Variants in BTBD9 observed in about 807,000 individuals in gnomAD.
BTBD9 encodes BTB domain containing 9.
A neutral mutation model predicts 64.3 loss-of-function variants in BTBD9; 49 were observed. That is an observed-to-expected ratio of 0.76 (90% confidence interval 0.61 to 0.97). The LOEUF (loss-of-function observed/expected upper bound fraction) is 0.97. BTBD9 is among the 50% of genes least tolerant of loss of function. The pLI is 0.00. For missense variants in BTBD9, 598 were observed against 762.1 expected, an observed-to-expected ratio of 0.78 and a Z score of 2.53; for synonymous variants, 260 against 274.7, an observed-to-expected ratio of 0.95 and a Z score of 0.53.
chr6:38,563,995 G>T (rs948181460), intron 6 of BTBD9, among the ~76,000 whole-genome samples: 6 of 151,510 alleles, frequency 4.0e-5, no homozygotes, highest in African/African-American at 1.5e-4. Flanking sequence ...TGTTAGCCAG[G>T]ATGGTATCAA....
intron 9 of BTBD9, among the ~76,000 whole-genome samples, chr6:38,200,449 A>C (rs1762420093): frequency 6.6e-6 from 1 of 152,254 alleles, no homozygotes; most frequent in South Asian, 2.1e-4. Context: ...TAGAGACTAC[A>C]TAAAAATACA....
At chr6:38,212,243 C>T (rs989930858) in intron 9 of BTBD9, among the ~76,000 whole-genome samples, 10 of 152,158 alleles carry the variant, frequency 6.6e-5, no homozygotes, top group East Asian at 5.8e-4. Context: ...CATTCCTCAG[C>T]GATGGCTGCT....
chr6:38,317,856 T>A (rs1460102354), intron 7 of BTBD9, among the ~76,000 whole-genome samples: 1 of 152,246 alleles, frequency 6.6e-6, no homozygotes, highest in East Asian at 1.9e-4. Flanking sequence ...TTTTTAATTA[T>A]TTTCTTTGTT....
intron 9 of BTBD9, among the ~76,000 whole-genome samples, chr6:38,247,939 T>A (rs559484102): frequency 2.8e-4 from 42 of 150,346 alleles, no homozygotes; most frequent in Middle Eastern, 3.4e-3. Context: ...AAAAAAAAAA[T>A]TTTTTTTTTC....
chr6:38,394,286 A>G lies in BTBD9; in HGVS notation c.1155-49193T>C, dbSNP rs912618092. ...TCTAATGGCATAGAATAAGTAGGCA[A>G]TTGGTGCTGATGGTGGTGATAGGGT... On this transcript the variant is annotated intron_variant, in intron 6 of 10. Transcript: ENST00000481247. 3.3e-5 allele frequency among the ~76,000 whole-genome samples: 5 copies of G among 152,144 alleles called. No individual in the cohort carries two copies. The East Asian group carries it at 7.7e-4, about 23-fold the overall frequency.
At chr6:38,190,459 A>ACTC (rs1429790502) in intron 10 of BTBD9, among the ~76,000 whole-genome samples, 1 of 123,748 alleles carries the variant, frequency 8.1e-6, no homozygotes, top group Non-Finnish European at 1.6e-5. Context: ...ACAGAGTGAA[A>ACTC]CTCTGTCTAA....
intron 9 of BTBD9, among the ~76,000 whole-genome samples, chr6:38,229,854 T>C (rs73410497): frequency 0.019 from 2,833 of 152,280 alleles, 87 homozygotes; most frequent in African/African-American, 0.063. Flanking sequence ...TGTCTGTCAT[T>C]TATCACATTA....
intron 9 of BTBD9, among the ~76,000 whole-genome samples, chr6:38,254,878 G>A (rs569821232): frequency 8.5e-5 from 13 of 152,286 alleles, no homozygotes; most frequent in Non-Finnish European, 1.5e-4. Flanking sequence ...TAAACGCAGA[G>A]TTATCCGATG....
chr6:38,205,225 A>G (rs2127495195), intron 9 of BTBD9, among the ~76,000 whole-genome samples: 1 of 152,338 alleles, frequency 6.6e-6, no homozygotes, highest in African/African-American at 2.4e-5. Flanking sequence ...TCCAGGTTAA[A>G]GATCCTACTA....
At chr6:38,491,205 A>G (rs1771686078) in intron 6 of BTBD9, among the ~76,000 whole-genome samples, 1 of 152,256 alleles carries the variant, frequency 6.6e-6, no homozygotes, top group Non-Finnish European at 1.5e-5. Context: ...TGTAGTACAG[A>G]TGAAAGTGAT....
chr6:38,201,114 A>G (rs1762449440), intron 9 of BTBD9, among the ~76,000 whole-genome samples: 1 of 152,212 alleles, frequency 6.6e-6, no homozygotes, highest in Non-Finnish European at 1.5e-5. Context: ...TTACCCTGAC[A>G]CCAAAACCTG....
At chr6:38,430,165 T>C (rs1484885574) in intron 6 of BTBD9, among the ~76,000 whole-genome samples, 2 of 152,052 alleles carry the variant, frequency 1.3e-5, no homozygotes, top group Non-Finnish European at 2.9e-5. Flanking sequence ...GTAGGTACTA[T>C]CCTTTTCCTT....
At chr6:38,482,883 A>T (rs1266810362) in intron 6 of BTBD9, among the ~76,000 whole-genome samples, 2 of 152,128 alleles carry the variant, frequency 1.3e-5, no homozygotes, top group Non-Finnish European at 2.9e-5. Context: ...GCCTCTTTCA[A>T]TCTGGGTACA....
intron 6 of BTBD9, among the ~76,000 whole-genome samples, chr6:38,557,015 CAAAAAAAAAAAAAAAAAAAAAA>C (rs397888418): frequency 0.022 from 344 of 15,400 alleles, 3 homozygotes; most frequent in Non-Finnish European, 0.032. Flanking sequence ...TCCATCTCAC[CAAAAAAAAAAAAAAAAAAAAAA>C]AAAAAAAAAA....
chr6:38,598,382 T>C (rs1032557186), intron 1 of BTBD9, among the ~76,000 whole-genome samples: 1 of 152,110 alleles, frequency 6.6e-6, no homozygotes, highest in African/African-American at 2.4e-5. Context: ...CATCACAGTC[T>C]AGAAAACTGA....
intron 9 of BTBD9, among the ~76,000 whole-genome samples, chr6:38,250,409 G>C (rs1246832524): frequency 6.6e-6 from 1 of 152,206 alleles, no homozygotes; most frequent in South Asian, 2.1e-4. Context: ...CTGAGCACTT[G>C]TAAGAAAATC....
chr6:38,276,063 G>A (rs532579828), intron 8 of BTBD9, among the ~76,000 whole-genome samples: 6 of 152,132 alleles, frequency 3.9e-5, no homozygotes, highest in South Asian at 2.1e-4. Flanking sequence ...TGTTTATTGC[G>A]GCACTATTCA....
intron 6 of BTBD9, among the ~76,000 whole-genome samples, chr6:38,359,250 C>T (rs1764858261): frequency 6.6e-6 from 1 of 152,182 alleles, no homozygotes; most frequent in African/African-American, 2.4e-5. Context: ...AGCCATTTCC[C>T]ATTCCAGGGT....
rs779131995 is a variant in BTBD9, at chr6:38,344,984, C to T, written c.1264G>A (p.Val422Ile). Reference sequence around the variant, plus strand: ...ACAAAAATCTAATGGTAATACTTACCTATCAGCCCCTTCTCAAGAGTGAAG... The same window carrying T: ...ACAAAAATCTAATGGTAATACTTACTTATCAGCCCCTTCTCAAGAGTGAAG... ...KTFTLEKGLI[V>I]PMENVATIAD... Residue 422 changes from valine (V) to isoleucine (I), a missense_variant and splice_region_variant, in exon 7 of 11, where the codon GTT becomes ATT. By Grantham distance (29) the Val-to-Ile change is conservative. Transcript: ENST00000481247. 1.3e-6 allele frequency: 2 copies of T among 1,568,494 alleles called. No individual in the cohort carries two copies. The highest frequency in any genetic ancestry group is 1.1e-5 in the South Asian group (1 of 87,944).
Sources: allele counts gnomAD v4.1 joint callset (sites outside exome capture counted in the v4.1 genomes callset), GRCh38; gene constraint gnomAD v4.1.1; transcripts MANE v1.5; gene names NCBI Gene and HGNC (gene_info 2026-07-23, HGNC 2026-07-21).